GLIS3: variants seen among roughly 807,000 people sequenced by gnomAD.
The protein encoded by GLIS3 is zinc finger protein GLIS3.
Under a neutral mutation model 78.6 loss-of-function variants are expected in GLIS3, and 53 were observed. The observed-to-expected ratio is 0.67, with a 90% CI of 0.54 to 0.85. The LOEUF (loss-of-function observed/expected upper bound fraction) is 0.85, where lower values mean the gene tolerates loss of function less well. GLIS3 is among the 40% of genes least tolerant of loss of function. The probability of loss-of-function intolerance (pLI) is 0.00; values close to 1 mark genes in which losing one functional copy is unlikely to be tolerated. For missense variants in GLIS3, 1,703 were observed against 1,231.1 expected, an observed-to-expected ratio of 1.38 and a Z score of -5.74; for synonymous variants, 684 against 509.9, an observed-to-expected ratio of 1.34 and a Z score of -4.60.
the GLIS3 span, among the ~76,000 whole-genome samples, chr9:4,458,277 G>A: frequency 6.6e-6 from 1 of 152,166 alleles, no homozygotes; most frequent in African/African-American, 2.4e-5. Flanking sequence ...CAACTGCATG[G>A]CATGCATTGT....
At chr9:4,429,407 C>G in the GLIS3 span, among the ~76,000 whole-genome samples, 9 of 152,084 alleles carry the variant, frequency 5.9e-5, no homozygotes, top group Non-Finnish European at 1.0e-4. Flanking sequence ...TCCCACAGAG[C>G]CTTTGCACAT....
At chr9:4,454,186 C>G in the GLIS3 span, among the ~76,000 whole-genome samples, 1 of 148,748 alleles carries the variant, frequency 6.7e-6, no homozygotes, top group African/African-American at 2.5e-5. Context: ...AAGAAAAAAA[C>G]CAGAGACAGG....
intron 3 of GLIS3, chr9:4,310,363 C>T (rs531206494): frequency 6.6e-6 from 1 of 152,096 alleles, no homozygotes; most frequent in Non-Finnish European, 1.5e-5. Flanking sequence ...AGCCAGTTTC[C>T]GAGTGAATGG....
At chr9:4,195,406 C>G (rs1336067678) in intron 2 of GLIS3, among the ~76,000 whole-genome samples, 1 of 152,200 alleles carries the variant, frequency 6.6e-6, no homozygotes. Flanking sequence ...CCAGCCGGTG[C>G]CACCGGCCCC....
chr9:3,908,217 T>C (rs199957376), intron 6 of GLIS3, among the ~76,000 whole-genome samples: 2 of 152,232 alleles, frequency 1.3e-5, no homozygotes, highest in East Asian at 3.9e-4. Context: ...TGCTGCTTGT[T>C]ACTGTATAGT....
the GLIS3 span, among the ~76,000 whole-genome samples, chr9:4,385,159 C>A: frequency 6.6e-6 from 1 of 152,242 alleles, no homozygotes; most frequent in Admixed American, 6.5e-5. Context: ...CCTAGGATCT[C>A]ATGGGTTGCA....
At chr9:4,049,589 A>C (rs1311105489) in intron 4 of GLIS3, among the ~76,000 whole-genome samples, 2 of 152,054 alleles carry the variant, frequency 1.3e-5, no homozygotes, top group African/African-American at 4.8e-5. Context: ...CCTCCAACAC[A>C]CTTGCGCACA....
At chr9:4,071,165 G>A (rs889302192) in intron 4 of GLIS3, 3 of 152,312 alleles carry the variant, frequency 2.0e-5, no homozygotes, top group Non-Finnish European at 2.9e-5. Context: ...ACAATGCAAC[G>A]TTGGGAGGCA....
At chr9:3,997,637 G>C (rs1820841904) in intron 4 of GLIS3, among the ~76,000 whole-genome samples, 1 of 151,716 alleles carries the variant, frequency 6.6e-6, no homozygotes, top group African/African-American at 2.4e-5. Flanking sequence ...ATGCCACTGA[G>C]AAATCAAGGA....
At chr9:4,365,630 C>T in the GLIS3 span, among the ~76,000 whole-genome samples, 1,243 of 152,122 alleles carry the variant, frequency 8.2e-3, 26 homozygotes, top group African/African-American at 0.028. Context: ...ATCTTATCAC[C>T]CTGACTTGCT....
At chr9:4,046,988 G>T (rs1825304300) in intron 4 of GLIS3, among the ~76,000 whole-genome samples, 1 of 152,168 alleles carries the variant, frequency 6.6e-6, no homozygotes, top group Non-Finnish European at 1.5e-5. Context: ...AAAGTTGTCG[G>T]AGTGTAGACT....
chr9:4,135,342 G>C (rs866065392), intron 2 of GLIS3, among the ~76,000 whole-genome samples: 1 of 152,044 alleles, frequency 6.6e-6, no homozygotes, highest in Non-Finnish European at 1.5e-5. Context: ...ATTCCCTTAA[G>C]GTAATGAACT....
chr9:3,854,031 T>C (rs928146465), intron 9 of GLIS3, among the ~76,000 whole-genome samples: 2 of 152,182 alleles, frequency 1.3e-5, no homozygotes, highest in Non-Finnish European at 2.9e-5. Flanking sequence ...AATGTGAAGG[T>C]GAAGAATTTG....
chr9:4,343,517 G>A (rs1451269907), intron 2 of GLIS3, among the ~76,000 whole-genome samples: 2 of 152,200 alleles, frequency 1.3e-5, no homozygotes, highest in Non-Finnish European at 2.9e-5. Flanking sequence ...ATTACTCAAA[G>A]AACCTAAAAC....
intron 3 of GLIS3, among the ~76,000 whole-genome samples, chr9:4,119,601 A>C (rs990172445): frequency 2.0e-5 from 3 of 152,166 alleles, no homozygotes; most frequent in Non-Finnish European, 4.4e-5. Flanking sequence ...TATGCATTAG[A>C]GCCATTCGGG....
At chr9:4,110,873 G>A (rs1342111506) in intron 4 of GLIS3, among the ~76,000 whole-genome samples, 1 of 152,190 alleles carries the variant, frequency 6.6e-6, no homozygotes, top group African/African-American at 2.4e-5. Context: ...AGATCAAAGA[G>A]AATCAGACGA....
At chr9:4,052,945 A>C (rs2130489183) in intron 4 of GLIS3, among the ~76,000 whole-genome samples, 1 of 147,512 alleles carries the variant, frequency 6.8e-6, no homozygotes, top group East Asian at 1.9e-4. Flanking sequence ...TGTTTAATTT[A>C]GTATTTTAAT....
At chr9:4,249,465 T>C (rs959499791) in intron 2 of GLIS3, among the ~76,000 whole-genome samples, 1 of 152,226 alleles carries the variant, frequency 6.6e-6, no homozygotes. Context: ...TGCACATTGA[T>C]TTTGTATCCC....
At chr9:4,422,382 C>T in the GLIS3 span, among the ~76,000 whole-genome samples, 2 of 152,198 alleles carry the variant, frequency 1.3e-5, no homozygotes, top group Admixed American at 6.5e-5. Flanking sequence ...CAAATACATA[C>T]TTACAGACAG....
Sources: allele counts gnomAD v4.1 joint callset (sites outside exome capture counted in the v4.1 genomes callset), GRCh38; gene constraint gnomAD v4.1.1; transcripts MANE v1.5; gene names NCBI Gene and HGNC (gene_info 2026-07-23, HGNC 2026-07-21).